The following LSAMP variants were observed in gnomAD, a reference collection of about 807,000 sequenced individuals.
LSAMP encodes the protein limbic system associated membrane protein, also known as limbic system-associated membrane protein.
Under a neutral mutation model 38.6 loss-of-function variants are expected in LSAMP, and 7 were observed. The observed-to-expected ratio is 0.18, with a 90% CI of 0.10 to 0.34. The LOEUF (loss-of-function observed/expected upper bound fraction) is 0.34. Among genes scored for constraint, LSAMP ranks in the 10% least tolerant of loss-of-function variants. The probability of loss-of-function intolerance (pLI) is 1.00; values close to 1 mark genes in which losing one functional copy is unlikely to be tolerated. For missense variants in LSAMP, 313 were observed against 420.0 expected (o/e 0.75, Z 2.23); for synonymous variants, 154 against 166.8 (o/e 0.92, Z 0.59).
intron 3 of LSAMP, among the ~76,000 whole-genome samples, chr3:115,964,179 T>A (rs967085491): frequency 6.6e-6 from 1 of 152,216 alleles, no homozygotes; most frequent in Admixed American, 6.5e-5. Context: ...GGCACTTATT[T>A]TTGGTGTTTT....
chr3:116,173,307 T>G (rs1312947049), intron 1 of LSAMP, among the ~76,000 whole-genome samples: 3 of 152,052 alleles, frequency 2.0e-5, no homozygotes, highest in Non-Finnish European at 4.4e-5. Flanking sequence ...CCACTACATT[T>G]GTTTTAATTG....
chr3:116,150,025 A>T (rs1324477789), intron 1 of LSAMP, among the ~76,000 whole-genome samples: 3 of 152,096 alleles, frequency 2.0e-5, no homozygotes, highest in Admixed American at 2.0e-4. Flanking sequence ...AACAAGTTCA[A>T]TTATTAGATG....
At chr3:115,876,336 A>T (rs1302906526) in intron 3 of LSAMP, among the ~76,000 whole-genome samples, 2 of 148,728 alleles carry the variant, frequency 1.3e-5, no homozygotes, top group African/African-American at 2.5e-5. Flanking sequence ...AGGGATCATT[A>T]ACTTTCCTTG....
At position 115,938,953 on chromosome 3, in the gene LSAMP, T is replaced by C. The variant is rs1010571314; in HGVS notation, c.514+80562A>G. Among the ~76,000 whole-genome samples the C allele has an allele frequency of 8.5e-5, 13 of 152,332 alleles. 1 individual carries two copies. The highest frequency in any genetic ancestry group is 7.8e-4 in the Admixed American group (12 of 15,302). On this transcript the variant is annotated intron_variant, in intron 3 of 6. Transcript: ENST00000490035. ...CAGGTAGTTGGGAAACGTCAGTTTA[T>C]TGTAACAATAAAGGACTTGATAGTT...
chr3:115,930,322 TTA>T, intron 3 of LSAMP, among the ~76,000 whole-genome samples: 1 of 152,110 alleles, frequency 6.6e-6, no homozygotes, highest in Non-Finnish European at 1.5e-5. Flanking sequence ...TAAGCATGTA[TTA>T]TGGGCCAGGC....
At chr3:116,091,555 G>A (rs1708124190) in intron 1 of LSAMP, among the ~76,000 whole-genome samples, 1 of 152,182 alleles carries the variant, frequency 6.6e-6, no homozygotes, top group South Asian at 2.1e-4. Flanking sequence ...TTAATTTGGG[G>A]AACTAATAAA....
At chr3:116,400,436 C>CTCCT (rs1180610698) in intron 1 of LSAMP, among the ~76,000 whole-genome samples, 9 of 147,452 alleles carry the variant, frequency 6.1e-5, no homozygotes, top group East Asian at 4.0e-4. Context: ...CCCTCCCTCC[C>CTCCT]TCCTTCCTTC....
At chr3:115,977,989 C>A (rs780189403) in intron 3 of LSAMP, among the ~76,000 whole-genome samples, 23 of 151,958 alleles carry the variant, frequency 1.5e-4, no homozygotes, top group African/African-American at 2.9e-4. Context: ...GTCTCCCTTC[C>A]TTCCTCTCTT....
chr3:116,149,066 G>C (rs1356685206), intron 1 of LSAMP, among the ~76,000 whole-genome samples: 1 of 151,926 alleles, frequency 6.6e-6, no homozygotes, highest in African/African-American at 2.4e-5. Context: ...CCTTCCACTA[G>C]TCACCAATTA....
chr3:116,102,257 C>A (rs1374685553), intron 1 of LSAMP, among the ~76,000 whole-genome samples: 2 of 152,168 alleles, frequency 1.3e-5, no homozygotes, highest in African/African-American at 2.4e-5. Flanking sequence ...AACTATGTTT[C>A]ATTCCTTAAT....
At chr3:116,253,151 T>C (rs528333295) in intron 1 of LSAMP, among the ~76,000 whole-genome samples, 1 of 152,156 alleles carries the variant, frequency 6.6e-6, no homozygotes, top group Non-Finnish European at 1.5e-5. Flanking sequence ...CTTGATATAT[T>C]ACTATTGCAA....
chr3:116,130,044 G>A (rs1256290710), intron 1 of LSAMP, among the ~76,000 whole-genome samples: 1 of 152,130 alleles, frequency 6.6e-6, no homozygotes, highest in Admixed American at 6.5e-5. Context: ...GCTTTTCCAA[G>A]CATATCTAGG....
rs144983757 is a variant in LSAMP, at chr3:116,179,758, A to G, written c.156-93202T>C. ...TCAGCTCCCACCAGGCCCCTCTTCC[A>G]ACACTGAGGATTACATTTTGACATG... On this transcript the variant is annotated intron_variant, in intron 1 of 6. Transcript: ENST00000490035. Among the ~76,000 whole-genome samples, 972 of 152,296 alleles carry G rather than the reference A, an allele frequency of 6.4e-3. 15 individuals are homozygous for G. Among genetic ancestry groups the G allele is most frequent in the African/African-American group, 0.022 (922 of 41,560 alleles).
chr3:116,129,823 G>A (rs528266953), intron 1 of LSAMP, among the ~76,000 whole-genome samples: 7 of 152,292 alleles, frequency 4.6e-5, no homozygotes, highest in South Asian at 4.1e-4. Context: ...CCAGCCCTTC[G>A]GGGATGTACC....
chr3:115,896,902 T>A (rs1936742928), intron 3 of LSAMP, among the ~76,000 whole-genome samples: 1 of 152,114 alleles, frequency 6.6e-6, no homozygotes, highest in Non-Finnish European at 1.5e-5. Context: ...AGTTCCAATG[T>A]GCCCATGCAT....
At chr3:116,237,316 T>G (rs946658003) in intron 1 of LSAMP, among the ~76,000 whole-genome samples, 1 of 152,206 alleles carries the variant, frequency 6.6e-6, no homozygotes, top group African/African-American at 2.4e-5. Flanking sequence ...TGCTTGTAAG[T>G]AAGTAAAACA....
At chr3:116,374,074 T>C (rs74755422) in intron 1 of LSAMP, among the ~76,000 whole-genome samples, 9,605 of 151,982 alleles carry the variant, frequency 0.063, 421 homozygotes, top group African/African-American at 0.13. Context: ...ACTAATATCT[T>C]ATATAAAAGA....
intron 3 of LSAMP, among the ~76,000 whole-genome samples, chr3:116,018,523 A>T (rs1017809012): frequency 2.0e-5 from 3 of 152,182 alleles, no homozygotes; most frequent in Non-Finnish European, 4.4e-5. Flanking sequence ...ATAAGATATA[A>T]ATTAGTTAAA....
In LSAMP at chr3:116,197,999, A is replaced by G. The variant is rs140751283; in HGVS notation, c.156-111443T>C. Among the ~76,000 whole-genome samples, 775 of 152,344 alleles carry G rather than the reference A, an allele frequency of 5.1e-3. 10 individuals carry two copies. The highest frequency in any genetic ancestry group is 0.018 in the African/African-American group (729 of 41,582). ...AGGTTACTGCACAAAGAGAAACACT[A>G]TGAGAAATGGCATGGAGATACAGAT... On this transcript the variant is annotated intron_variant, in intron 1 of 6. Transcript: ENST00000490035.
Sources: gnomAD v4.1 joint callset for allele counts (sites outside exome capture counted in the v4.1 genomes callset) on GRCh38, gnomAD v4.1.1 for gene constraint, MANE v1.5 for transcripts, NCBI Gene and HGNC (gene_info 2026-07-23, HGNC 2026-07-21) for gene names.